The following DRICH1 variants were observed in gnomAD, a reference collection of about 807,000 sequenced individuals.
The protein encoded by DRICH1 is aspartate rich 1, also known as aspartate-rich protein 1.
In DRICH1, 38 loss-of-function variants were observed where a neutral mutation model predicts 39.5. The ratio of observed to expected loss-of-function variants is 0.96; its 90% CI spans 0.74 to 1.26. DRICH1 has a LOEUF of 1.26. Among genes scored for constraint, DRICH1 ranks in the 50% most tolerant of loss-of-function variants. The pLI is 0.00. For synonymous variants in DRICH1, 84 were observed against 99.5 expected (o/e 0.84, Z 0.93); for missense variants, 279 against 270.4 (o/e 1.03, Z -0.22).
At chr22:23,625,932 A>G (rs1928033738) in intron 2 of DRICH1, 49 bp downstream of exon 2, 1 of 1,459,912 alleles carries the variant, frequency 6.8e-7, no homozygotes, top group Non-Finnish European at 9.6e-7. Context: ...TTTGTTTCTG[A>G]CATCAGGAAA....
chr22:23,610,439 C>G (rs5996582), intron 11 of DRICH1: 4 of 152,392 alleles, frequency 2.6e-5, no homozygotes, highest in African/African-American at 9.6e-5. Context: ...GCTACCTCCC[C>G]CTCCAGGATG....
At chr22:23,582,684 G>C in the DRICH1 span, among the ~76,000 whole-genome samples, 4 of 151,866 alleles carry the variant, frequency 2.6e-5, no homozygotes, top group Admixed American at 2.0e-4. Context: ...TCCTGCTTCA[G>C]CCTCCCAGGC....
chr22:23,621,555 C>T (rs888308363), intron 4 of DRICH1, among the ~76,000 whole-genome samples: 1 of 152,094 alleles, frequency 6.6e-6, no homozygotes, highest in Non-Finnish European at 1.5e-5. Context: ...CTTGTTGAAA[C>T]TGTGCTGGGT....
chr22:23,630,167 A>G (rs1358062414), intron 1 of DRICH1, among the ~76,000 whole-genome samples: 1 of 152,114 alleles, frequency 6.6e-6, no homozygotes, highest in African/African-American at 2.4e-5. Flanking sequence ...ACCTTTTGCT[A>G]CCCAGAGTTA....
the DRICH1 span, among the ~76,000 whole-genome samples, chr22:23,601,146 GCACACACACACACA>G: frequency 1.4e-5 from 2 of 146,216 alleles, no homozygotes; most frequent in South Asian, 2.2e-4. Flanking sequence ...ACGCACGCGC[GCACACACACACACA>G]CACACACACA....
chr22:23,623,902 C>G (rs1240668167), intron 3 of DRICH1: 84 of 965,598 alleles, frequency 8.7e-5, no homozygotes, highest in Non-Finnish European at 1.0e-4. Context: ...AAAGGAAAGT[C>G]TCTTCCACAA....
At chr22:23,587,118 C>T in the DRICH1 span, among the ~76,000 whole-genome samples, 1 of 152,210 alleles carries the variant, frequency 6.6e-6, no homozygotes, top group African/African-American at 2.4e-5. Flanking sequence ...AGTTTAGTCG[C>T]ATCTCTATGA....
At chr22:23,629,750 TA>T (rs1928281749) in intron 1 of DRICH1, among the ~76,000 whole-genome samples, 1 of 152,052 alleles carries the variant, frequency 6.6e-6, no homozygotes, top group Admixed American at 6.5e-5. Flanking sequence ...CCCAAGTACC[TA>T]GGACTACAGG....
the DRICH1 span, among the ~76,000 whole-genome samples, chr22:23,594,441 G>T: frequency 6.6e-6 from 1 of 151,930 alleles, no homozygotes; most frequent in African/African-American, 2.4e-5. Context: ...GTTGTGGCAA[G>T]TGCCTGTAAT....
At chr22:23,605,918 A>C (rs1454465290), downstream of DRICH1, among the ~76,000 whole-genome samples, 7 of 151,930 alleles carry the variant, frequency 4.6e-5, no homozygotes, top group African/African-American at 1.7e-4. Flanking sequence ...CCATCTTTAC[A>C]ATAAAAAAAT....
In DRICH1 at chr22:23,612,771, G is replaced by A. The variant is rs1031660516; in HGVS notation, c.685+518C>T. On this transcript the variant is annotated intron_variant, in intron 11 of 11. Coordinates refer to ENST00000317749, the MANE Select transcript of DRICH1 (RefSeq NM_016449.4). ...GAATATTCACTCCACCATCCACTCC[G>A]GGAGATCCCTTTAAACCAGGAGTGC... Among the ~76,000 whole-genome samples the A allele has an allele frequency of 2.2e-4, 33 of 152,094 alleles. 1 individual carries two copies. Among genetic ancestry groups the A allele is most frequent in the African/African-American group, 7.2e-4 (30 of 41,406 alleles).
the DRICH1 span, among the ~76,000 whole-genome samples, chr22:23,591,641 G>A: frequency 1.3e-5 from 2 of 152,138 alleles, no homozygotes; most frequent in African/African-American, 4.8e-5. Flanking sequence ...CCATTGTGAG[G>A]ATCTATCTGA....
intron 11 of DRICH1, among the ~76,000 whole-genome samples, chr22:23,609,358 G>GT (rs1264503733): frequency 1.4e-4 from 22 of 152,180 alleles, no homozygotes; most frequent in African/African-American, 5.3e-4. Flanking sequence ...GATTTTGGCA[G>GT]TGCCGGGGGC....
chr22:23,611,734 A>G, intron 11 of DRICH1, among the ~76,000 whole-genome samples: 1 of 152,180 alleles, frequency 6.6e-6, no homozygotes. Context: ...TAAGATTATA[A>G]CAAAGCTGAA....
intron 11 of DRICH1, among the ~76,000 whole-genome samples, chr22:23,609,544 G>A (rs1299487985): frequency 1.3e-5 from 2 of 152,080 alleles, no homozygotes; most frequent in Non-Finnish European, 2.9e-5. Flanking sequence ...AGTCTACAGA[G>A]CACCCCCTGA....
the DRICH1 span, among the ~76,000 whole-genome samples, chr22:23,589,607 TGAG>T: frequency 2.6e-5 from 4 of 152,082 alleles, no homozygotes. Context: ...CACAGGGAAA[TGAG>T]GAGGAGAAAG....
chr22:23,627,618 TC>T, intron 1 of DRICH1, among the ~76,000 whole-genome samples: 1 of 152,188 alleles, frequency 6.6e-6, no homozygotes, highest in South Asian at 2.1e-4. Context: ...GAGAACAACA[TC>T]CAGGTCCAGA....
At chr22:23,589,077 A>G in the DRICH1 span, among the ~76,000 whole-genome samples, 2 of 137,438 alleles carry the variant, frequency 1.5e-5, no homozygotes, top group African/African-American at 5.7e-5. Context: ...GATGTTTATT[A>G]CTCTCCCAGC....
chr22:23,615,863 C>G (rs1441061294), intron 8 of DRICH1, among the ~76,000 whole-genome samples: 1 of 152,234 alleles, frequency 6.6e-6, no homozygotes, highest in Non-Finnish European at 1.5e-5. Context: ...ACACTGTAAA[C>G]TGATCTTCAA....
Sources: gnomAD v4.1 joint callset for allele counts (sites outside exome capture counted in the v4.1 genomes callset) on GRCh38, gnomAD v4.1.1 for gene constraint, MANE v1.5 for transcripts, NCBI Gene and HGNC (gene_info 2026-07-23, HGNC 2026-07-21) for gene names.